Variants in AIFM3 observed in about 807,000 individuals in gnomAD.
The protein encoded by AIFM3 is apoptosis-inducing factor 3.
A neutral mutation model predicts 82.7 loss-of-function variants in AIFM3; 71 were observed. The ratio of observed to expected loss-of-function variants is 0.86; its 90% CI spans 0.71 to 1.05. The LOEUF (loss-of-function observed/expected upper bound fraction) is 1.05, where lower values mean the gene tolerates loss of function less well. Ranked by LOEUF, AIFM3 falls within the 50% of genes least tolerant of loss-of-function variation. AIFM3 has a pLI of 0.00. For synonymous variants in AIFM3, 337 were observed against 329.1 expected (o/e 1.02, Z -0.26); for missense variants, 748 against 816.7 (o/e 0.92, Z 1.03).
intron 16 of AIFM3, 119 bp downstream of exon 16, chr22:20,978,124 T>G: frequency 1.1e-6 from 1 of 918,816 alleles, no homozygotes. Flanking sequence ...ATCAAAGCTC[T>G]GATGTGGATT....
intron 2 of AIFM3, among the ~76,000 whole-genome samples, chr22:20,968,291 GC>G (rs1365743176): frequency 6.6e-6 from 1 of 152,144 alleles, no homozygotes; most frequent in Non-Finnish European, 1.5e-5. Flanking sequence ...AAGGGGCTAT[GC>G]CCCCAGGGCC....
rs755014255 is a variant in AIFM3 at position 20,967,939 on chromosome 22, C to T, written c.-6C>T. On this transcript the variant is annotated 5_prime_UTR_variant, in exon 2 of 21. Coordinates refer to ENST00000440238, the MANE Select transcript of AIFM3 (RefSeq NM_001386814.1). ...CTGCCTGCCGGCCATCCTCAGGCCA[C>T]TCGCCATGGGCGGCTGCTTCTCCAA... 6.2e-7 allele frequency: 1 copy of T among 1,614,146 alleles called. No individual in the cohort carries two copies. Among genetic ancestry groups the T allele is most frequent in the East Asian group, 2.2e-5 (1 of 44,878 alleles).
intron 17 of AIFM3, 66 bp from the exon 18 acceptor site, chr22:20,979,561 G>A: frequency 2.5e-6 from 4 of 1,590,390 alleles, no homozygotes; most frequent in Non-Finnish European, 3.4e-6. Flanking sequence ...GGTTAGGAGG[G>A]GATCCTGTGA....
chr22:20,979,529 G>T (rs1377487809), intron 17 of AIFM3, 98 bp from the exon 18 acceptor site: 47 of 1,504,476 alleles, frequency 3.1e-5, no homozygotes, highest in Non-Finnish European at 4.3e-5. Flanking sequence ...CTAAAAGGAC[G>T]TATGGAGCAG....
At chr22:20,972,855 G>C (rs1184876923) in intron 2 of AIFM3, among the ~76,000 whole-genome samples, 1 of 152,050 alleles carries the variant, frequency 6.6e-6, no homozygotes, top group Non-Finnish European at 1.5e-5. Flanking sequence ...GACCAGCCTG[G>C]CCAACATGGC....
At chr22:20,979,600 G>A (rs1230220737) in intron 17 of AIFM3, 27 bp from the exon 18 acceptor site, 6 of 1,613,700 alleles carry the variant, frequency 3.7e-6, no homozygotes, top group South Asian at 2.2e-5. Context: ...GGCTCACGTG[G>A]GTGCCACCCA....
rs1372559748 is a variant in AIFM3 at position 20,967,796 on chromosome 22, C to T, written c.-140-9C>T. 1 of 794,236 alleles carries T rather than the reference C, an allele frequency of 1.3e-6. No homozygotes were observed. Among genetic ancestry groups the T allele is most frequent in the East Asian group, 2.6e-5 (1 of 38,998 alleles). 49.2% of individuals were successfully genotyped at this position (794,236 alleles called of 1,614,324 possible). On this transcript the variant is annotated splice_polypyrimidine_tract_variant and intron_variant, in intron 1 of 20. Transcript: ENST00000440238. Reference sequence around the variant, plus strand: ...GCCCCGGTCCTGATGGCTCCAGTCTCCCCTGCAGGTCCTAGAGCAGCTCCA... The same window carrying T: ...GCCCCGGTCCTGATGGCTCCAGTCTTCCCTGCAGGTCCTAGAGCAGCTCCA...
intron 14 of AIFM3, 124 bp from the exon 15 acceptor site, chr22:20,977,576 T>C: frequency 8.1e-7 from 1 of 1,235,720 alleles, no homozygotes; most frequent in South Asian, 1.3e-5. Flanking sequence ...CATGAAGGCC[T>C]CAGGTAGACA....
In AIFM3 at chr22:20,976,786, C is replaced by CA; in HGVS notation, c.1146+21dup. 1 of 1,608,328 alleles carries CA rather than the reference C, an allele frequency of 6.2e-7. No homozygotes were observed. Among genetic ancestry groups the CA allele is most frequent in the Non-Finnish European group, 8.5e-7 (1 of 1,177,000 alleles). On this transcript the variant is annotated intron_variant, in intron 12 of 20. Transcript: ENST00000440238. ...ATGAAGGTGAGCCCACCCCAGCACC[C>CA]AGTGCCTTGGAGCCCTGGGGCCCAG...
At chr22:20,973,604 G>A in intron 3 of AIFM3, 84 bp downstream of exon 3, 2 of 1,402,516 alleles carry the variant, frequency 1.4e-6, no homozygotes, top group Non-Finnish European at 1.9e-6. Context: ...GTCGGGGTTG[G>A]CCTGAAGGGG....
At chr22:20,977,627 T>G in intron 14 of AIFM3, 73 bp from the exon 15 acceptor site, 2 of 1,578,422 alleles carry the variant, frequency 1.3e-6, no homozygotes, top group Non-Finnish European at 8.7e-7. Context: ...ATCAAGCGCA[T>G]GCTGTAGGGT....
intron 18 of AIFM3, 92 bp downstream of exon 18, chr22:20,979,794 C>T: frequency 6.7e-7 from 1 of 1,498,902 alleles, no homozygotes; most frequent in Non-Finnish European, 9.2e-7. Flanking sequence ...AACAAGAGCC[C>T]AGCCCTGAGC....
rs17551486 is a variant in AIFM3 at position 20,967,344 on chromosome 22, G to A, written c.-141+41G>A. 7.0e-3 allele frequency: 1,068 copies of A among 153,520 alleles called. 18 individuals carry two copies. Among genetic ancestry groups the A allele is most frequent in the East Asian group, 0.063 (327 of 5,174 alleles). The allele number at this position is 153,520 out of a possible 1,614,324, so 9.5% of individuals were successfully genotyped here. ...GCTAGCCAGGGTGGGGCTGGGCTAG[G>A]GGGAGCCTGATGTCACCCCCATTGT... On this transcript the variant is annotated intron_variant, in intron 1 of 20. Coordinates refer to ENST00000440238, the MANE Select transcript of AIFM3 (RefSeq NM_001386814.1).
rs1388515462 is a variant in AIFM3, at chr22:20,979,350, C to T, written c.1557C>T (p.Gly519=). ...TVPYLWTAMF[G]KSLRYAGYGE... ...CCTACCTCTGGACCGCCATGTTTGG[C>T]AAGAGCCTGCGCTACGCGGGTAACC... Residue 519 remains glycine (G), a synonymous_variant, in exon 17 of 21, where the codon GGC becomes GGT. Coordinates refer to ENST00000440238, the MANE Select transcript of AIFM3 (RefSeq NM_001386814.1). 1 of 1,471,124 alleles carries T rather than the reference C, an allele frequency of 6.8e-7. No homozygotes were observed. The allele number at this position is 1,471,124 out of a possible 1,614,324, so 91.1% of individuals were successfully genotyped here.
At chr22:20,971,307 G>C (rs1009853742) in intron 2 of AIFM3, among the ~76,000 whole-genome samples, 29 of 152,308 alleles carry the variant, frequency 1.9e-4, no homozygotes, top group Non-Finnish European at 4.0e-4. Context: ...CACCTGATAC[G>C]ATGGCCTCAG....
chr22:20,980,555 G>A, intron 19 of AIFM3, 192 bp from the exon 20 acceptor site: 1 of 698,686 alleles, frequency 1.4e-6, no homozygotes, highest in Non-Finnish European at 2.6e-6. Context: ...CCCTTATCCT[G>A]GTGTGGTGTC....
rs746220834 is a variant in AIFM3, at chr22:20,976,634, C to A, written c.1031-17C>A. ...GAAGGTGCAGGTGCCAGCCTGCCAC[C>A]CCCTGCCCATCACCAGGGATGGAGG... is the stretch of plus-strand genomic sequence containing the variant. On this transcript the variant is annotated splice_polypyrimidine_tract_variant and intron_variant, in intron 11 of 20. Transcript: ENST00000440238. 1.9e-6 allele frequency: 3 copies of A among 1,611,428 alleles called. No individual in the cohort carries two copies. The highest frequency in any genetic ancestry group is 1.1e-5 in the South Asian group (1 of 90,748).
chr22:20,973,845 C>A lies in AIFM3; in HGVS notation c.333C>A (p.His111Gln). ...ACGCCCTGGGCCATAAGTGTCCGCACTACGGCGCACCCCTGGTGAAAGGTG... is the reference window on the plus strand; with the variant it reads ...ACGCCCTGGGCCATAAGTGTCCGCAATACGGCGCACCCCTGGTGAAAGGTG... ...EFHALGHKCP[H>Q]YGAPLVKGVL... The change falls in exon 4 of 21, where the codon CAC becomes CAA. Residue 111 changes from histidine (H) to glutamine (Q), a missense_variant. Transcript: ENST00000440238. 4 of 1,557,344 alleles carry A rather than the reference C, an allele frequency of 2.6e-6. No homozygotes were observed. The highest frequency in any genetic ancestry group is 3.5e-6 in the Non-Finnish European group (4 of 1,150,074).
chr22:20,973,605 C>T, intron 3 of AIFM3, 85 bp downstream of exon 3: 1 of 1,401,832 alleles, frequency 7.1e-7, no homozygotes, highest in Non-Finnish European at 9.3e-7. Flanking sequence ...TCGGGGTTGG[C>T]CTGAAGGGGC....
Sources: allele counts gnomAD v4.1 joint callset (sites outside exome capture counted in the v4.1 genomes callset), GRCh38; gene constraint gnomAD v4.1.1; transcripts MANE v1.5; gene names NCBI Gene and HGNC (gene_info 2026-07-23, HGNC 2026-07-21).